THSD7B: variants seen among roughly 807,000 people sequenced by gnomAD.
THSD7B encodes the protein thrombospondin type 1 domain containing 7B.
Under a neutral mutation model 213.6 loss-of-function variants are expected in THSD7B, and 138 were observed. The ratio of observed to expected loss-of-function variants is 0.65; its 90% CI spans 0.56 to 0.74. The LOEUF (loss-of-function observed/expected upper bound fraction) is 0.74, where lower values mean the gene tolerates loss of function less well. Among genes scored for constraint, THSD7B ranks in the 30% least tolerant of loss-of-function variants. THSD7B has a pLI of 0.00. For synonymous variants in THSD7B, 742 were observed against 687.0 expected (o/e 1.08, Z -1.25); for missense variants, 1,931 against 1,991.5 (o/e 0.97, Z 0.58).
intron 4 of THSD7B, among the ~76,000 whole-genome samples, chr2:137,099,913 T>C (rs1688118530): frequency 6.6e-6 from 1 of 152,172 alleles, no homozygotes; most frequent in Non-Finnish European, 1.5e-5. Context: ...TTCTGGTATG[T>C]ATTAATTTAT....
chr2:137,212,692 T>C (rs1265501069), intron 7 of THSD7B, among the ~76,000 whole-genome samples: 1 of 152,038 alleles, frequency 6.6e-6, no homozygotes, highest in Non-Finnish European at 1.5e-5. Context: ...CTGTGACTTA[T>C]AGTTCAGAAA....
chr2:137,502,563 C>A (rs912068791), intron 15 of THSD7B, among the ~76,000 whole-genome samples: 1 of 152,132 alleles, frequency 6.6e-6, no homozygotes, highest in African/African-American at 2.4e-5. Context: ...GCTTCAGAAT[C>A]AAGCTATCTT....
rs1240946257 is a variant in THSD7B at position 137,450,872 on chromosome 2, C to T, written c.2987C>T (p.Pro996Leu). 8.1e-6 allele frequency: 13 copies of T among 1,608,490 alleles called. No individual in the cohort carries two copies. Among genetic ancestry groups the T allele is most frequent in the East Asian group, 4.5e-5 (2 of 44,522 alleles). ...TACATTCAAGAAAAATGTGTCATTC[C>T]CTGCCCATTTGATTGCAAGTTAAGC... is the stretch of plus-strand genomic sequence containing the variant. ...SGYIQEKCVI[P>L]CPFDCKLSDW... The change falls in exon 15 of 28, where the codon CCC (proline) becomes CTC (leucine). Residue 996 changes from proline to leucine, a missense_variant. Transcript: ENST00000409968.
chr2:137,513,179 TC>T (rs1361660017), intron 15 of THSD7B, among the ~76,000 whole-genome samples: 1 of 152,148 alleles, frequency 6.6e-6, no homozygotes, highest in Non-Finnish European at 1.5e-5. Flanking sequence ...CTCTAATTAA[TC>T]CCCATATTTA....
At chr2:136,896,433 C>T (rs1683961583) in intron 2 of THSD7B, among the ~76,000 whole-genome samples, 1 of 152,022 alleles carries the variant, frequency 6.6e-6, no homozygotes, top group Non-Finnish European at 1.5e-5. Flanking sequence ...GTCCTTTGTA[C>T]ATTCTGGATG....
intron 1 of THSD7B, among the ~76,000 whole-genome samples, chr2:136,855,785 C>G (rs1353038242): frequency 1.3e-5 from 2 of 151,880 alleles, no homozygotes; most frequent in Non-Finnish European, 2.9e-5. Context: ...CCTCATTCTT[C>G]TCTTATCACT....
At chr2:137,504,049 AGAAAG>A (rs1679778246) in intron 15 of THSD7B, among the ~76,000 whole-genome samples, 1 of 150,714 alleles carries the variant, frequency 6.6e-6, no homozygotes, top group Non-Finnish European at 1.5e-5. Context: ...AAAAAAAAAA[AGAAAG>A]AGAAAAAGGA....
intron 12 of THSD7B, among the ~76,000 whole-genome samples, chr2:137,401,247 A>T (rs1057284406): frequency 1.3e-5 from 2 of 152,116 alleles, no homozygotes; most frequent in Admixed American, 1.3e-4. Context: ...GGGCCTCTGA[A>T]TTGGGTTGTA....
intron 1 of THSD7B, among the ~76,000 whole-genome samples, chr2:136,802,120 T>C (rs1189451264): frequency 6.6e-6 from 1 of 151,984 alleles, no homozygotes; most frequent in Non-Finnish European, 1.5e-5. Context: ...CCCCCATTAT[T>C]AGGGACAGAA....
At chr2:137,657,933 G>A (rs1683270242) in intron 24 of THSD7B, among the ~76,000 whole-genome samples, 1 of 152,046 alleles carries the variant, frequency 6.6e-6, no homozygotes, top group African/African-American at 2.4e-5. Context: ...GGATGGTCTC[G>A]ATCTCTTGAC....
intron 15 of THSD7B, among the ~76,000 whole-genome samples, chr2:137,534,662 C>A (rs1465885557): frequency 1.3e-5 from 2 of 151,600 alleles, no homozygotes; most frequent in Non-Finnish European, 3.0e-5. Context: ...TATAAGTTTT[C>A]TTTTTTACCC....
At chr2:136,854,591 G>A (rs1019495058) in intron 1 of THSD7B, among the ~76,000 whole-genome samples, 1 of 151,654 alleles carries the variant, frequency 6.6e-6, no homozygotes, top group South Asian at 2.1e-4. Flanking sequence ...GTCCTCCATT[G>A]TCCTGCTTCT....
chr2:137,308,156 C>T (rs550559118), intron 12 of THSD7B, among the ~76,000 whole-genome samples: 1 of 151,978 alleles, frequency 6.6e-6, no homozygotes, highest in Non-Finnish European at 1.5e-5. Context: ...ACCCCTAGAA[C>T]ATTGTATGCA....
At chr2:137,293,128 T>A (rs12105784) in intron 12 of THSD7B, among the ~76,000 whole-genome samples, 4,436 of 151,814 alleles carry the variant, frequency 0.029, 73 homozygotes, top group East Asian at 0.053. Context: ...CTTAGTTTTG[T>A]TTTTTGACAG....
intron 12 of THSD7B, among the ~76,000 whole-genome samples, chr2:137,395,549 G>A (rs1162328069): frequency 6.6e-6 from 1 of 151,912 alleles, no homozygotes; most frequent in East Asian, 1.9e-4. Flanking sequence ...TTGATGTGCT[G>A]CTGGATTTGT....
intron 1 of THSD7B, among the ~76,000 whole-genome samples, chr2:136,862,712 C>T (rs144623750): frequency 3.9e-4 from 59 of 152,218 alleles, no homozygotes; most frequent in East Asian, 1.7e-3. Flanking sequence ...GTTCATAAAG[C>T]GATCAAGTAG....
chr2:137,302,467 G>A (rs1683629999), intron 12 of THSD7B, among the ~76,000 whole-genome samples: 1 of 152,080 alleles, frequency 6.6e-6, no homozygotes, highest in Non-Finnish European at 1.5e-5. Context: ...TAACAATGTT[G>A]GCCTTGACAA....
chr2:137,554,724 C>T (rs1029085965), intron 15 of THSD7B, among the ~76,000 whole-genome samples: 16 of 152,136 alleles, frequency 1.1e-4, no homozygotes, highest in African/African-American at 2.4e-4. Context: ...TGCAGTGCAC[C>T]GAGCGTGAGC....
chr2:137,059,101 CG>C (rs1687223266), intron 3 of THSD7B, among the ~76,000 whole-genome samples: 1 of 152,038 alleles, frequency 6.6e-6, no homozygotes, highest in Non-Finnish European at 1.5e-5. Context: ...TGATTTAGTT[CG>C]TGATGAAGGT....
Sources: allele counts gnomAD v4.1 joint callset (sites outside exome capture counted in the v4.1 genomes callset), GRCh38; gene constraint gnomAD v4.1.1; transcripts MANE v1.5; gene names NCBI Gene and HGNC (gene_info 2026-07-23, HGNC 2026-07-21).